Variants in TRUB1 observed in about 807,000 individuals in gnomAD.
TRUB1 encodes the protein TruB pseudouridine synthase family member 1.
Under a neutral mutation model 33.9 loss-of-function variants are expected in TRUB1, and 23 were observed. The observed-to-expected ratio is 0.68, with a 90% CI of 0.49 to 0.96. TRUB1 has a LOEUF of 0.96. Ranked by LOEUF, TRUB1 falls within the 40% of genes least tolerant of loss-of-function variation. The probability of loss-of-function intolerance (pLI) is 0.00; values close to 1 mark genes in which losing one functional copy is unlikely to be tolerated. For synonymous variants in TRUB1, 163 were observed against 165.4 expected, an observed-to-expected ratio of 0.99 and a Z score of 0.11; for missense variants, 378 against 422.2, an observed-to-expected ratio of 0.90 and a Z score of 0.92.
chr10:114,959,677 T>C (rs964551971), intron 3 of TRUB1, 49 bp from the exon 4 acceptor site: 2 of 1,240,244 alleles, frequency 1.6e-6, no homozygotes, highest in African/African-American at 3.0e-5. Context: ...TGCATAACAG[T>C]TTTTGTTTGC....
chr10:114,956,598 G>C (rs1356469277), intron 3 of TRUB1, among the ~76,000 whole-genome samples: 1 of 152,066 alleles, frequency 6.6e-6, no homozygotes, highest in South Asian at 2.1e-4. Flanking sequence ...TTCAATCATC[G>C]GTTCGCAGGG....
chr10:114,942,656 C>T lies in TRUB1; in HGVS notation c.298C>T (p.Pro100Ser). 2 of 1,612,394 alleles carry T rather than the reference C, an allele frequency of 1.2e-6. No individual in the cohort carries two copies. Among genetic ancestry groups the T allele is most frequent in the South Asian group, 2.2e-5 (2 of 90,966 alleles). The change falls in exon 2 of 8, where the codon CCT (proline) becomes TCT (serine). Residue 100 changes from proline (P) to serine (S), a missense_variant. By Grantham distance (74) the Pro-to-Ser change is moderately conservative (BLOSUM62 -1). Transcript: ENST00000298746. ...KEKLLAEAGM[P>S]SPEWTKRKKQ... Reference sequence around the variant, plus strand: ...CATTTCTCTCATAGAAGCTGGAATGCCTTCTCCAGAATGGACCAAGAGGAA... The same window carrying T: ...CATTTCTCTCATAGAAGCTGGAATGTCTTCTCCAGAATGGACCAAGAGGAA...
chr10:114,963,038 T>C (rs763731852), intron 4 of TRUB1, among the ~76,000 whole-genome samples: 3 of 152,174 alleles, frequency 2.0e-5, no homozygotes, highest in Non-Finnish European at 4.4e-5. Flanking sequence ...TGTTCTCCGC[T>C]GAGCTAAGGA....
intron 4 of TRUB1, among the ~76,000 whole-genome samples, chr10:114,960,683 A>G (rs1042221305): frequency 3.3e-5 from 5 of 152,292 alleles, no homozygotes; most frequent in Admixed American, 6.5e-5. Context: ...ATGAAAAGAA[A>G]AATTACTGAT....
At chr10:114,948,540 C>G (rs75137785) in intron 2 of TRUB1, among the ~76,000 whole-genome samples, 2 of 152,018 alleles carry the variant, frequency 1.3e-5, no homozygotes, top group South Asian at 2.1e-4. Flanking sequence ...AAATTCTGTC[C>G]GGGAAACTAA....
rs202210924 is a variant in TRUB1, at chr10:114,975,135, G to A, written c.806G>A (p.Cys269Tyr). 6 of 1,610,020 alleles carry A rather than the reference G, an allele frequency of 3.7e-6. No individual in the cohort carries two copies. The highest frequency in any genetic ancestry group is 5.1e-6 in the Non-Finnish European group (6 of 1,178,610). The stretch of plus-strand genomic sequence containing the variant: ...TTTGTTGCCATAGAACTATCTTCCT[G>A]TGCCAATGTGCTAGAGCTGACCCGA... ...VSDIGKELSS[C>Y]ANVLELTRTK... Residue 269 changes from cysteine to tyrosine, a missense_variant, in exon 8 of 8, where the codon TGT (cysteine) becomes TAT (tyrosine). Physicochemically the swap from Cys to Tyr is radical, Grantham distance 194 (BLOSUM62 -2). Transcript: ENST00000298746.
chr10:114,951,448 A>G (rs951551918), intron 3 of TRUB1, among the ~76,000 whole-genome samples: 8 of 152,242 alleles, frequency 5.3e-5, no homozygotes, highest in Non-Finnish European at 8.8e-5. Context: ...TAGAGGTCAT[A>G]AACTCTAGTG....
At chr10:114,964,372 G>GT (rs918327834) in intron 4 of TRUB1, among the ~76,000 whole-genome samples, 9 of 151,372 alleles carry the variant, frequency 5.9e-5, no homozygotes, top group Admixed American at 5.3e-4. Flanking sequence ...ATGAGTTTTT[G>GT]TTTTTTATTA....
intron 4 of TRUB1, among the ~76,000 whole-genome samples, chr10:114,964,761 A>G (rs1361373249): frequency 6.6e-6 from 1 of 151,920 alleles, no homozygotes; most frequent in East Asian, 1.9e-4. Context: ...TTACACATCA[A>G]GCACCCACTT....
intron 3 of TRUB1, among the ~76,000 whole-genome samples, chr10:114,952,373 G>A (rs11197008): frequency 0.031 from 4,751 of 152,290 alleles, 92 homozygotes; most frequent in Middle Eastern, 0.068. Context: ...CCCAGGAGGC[G>A]GAGGTTGCAG....
intron 3 of TRUB1, among the ~76,000 whole-genome samples, chr10:114,952,395 C>T (rs2084239844): frequency 6.6e-6 from 1 of 152,210 alleles, no homozygotes; most frequent in Non-Finnish European, 1.5e-5. Context: ...GAGCCAAGAT[C>T]ACGCCATTGC....
intron 2 of TRUB1, among the ~76,000 whole-genome samples, chr10:114,949,376 CT>C (rs2084224316): frequency 6.6e-6 from 1 of 152,196 alleles, no homozygotes; most frequent in Admixed American, 6.5e-5. Flanking sequence ...GTATTATGCT[CT>C]TCAGAGGATT....
intron 4 of TRUB1, 193 bp downstream of exon 4, chr10:114,960,000 G>A: frequency 1.9e-6 from 1 of 530,620 alleles, no homozygotes; most frequent in South Asian, 2.8e-5. Context: ...AAGATTTATT[G>A]TGATTGCCTC....
At chr10:114,967,154 T>A (rs2084312121) in intron 4 of TRUB1, among the ~76,000 whole-genome samples, 1 of 152,236 alleles carries the variant, frequency 6.6e-6, no homozygotes, top group Non-Finnish European at 1.5e-5. Context: ...CAGCTGCCAC[T>A]ACTTCCTCAG....
In TRUB1 at chr10:114,938,215, G is replaced by T; in HGVS notation, c.-39G>T. 3.7e-6 allele frequency: 6 copies of T among 1,604,000 alleles called. No individual in the cohort carries two copies. Among genetic ancestry groups the T allele is most frequent in the Non-Finnish European group, 5.1e-6 (6 of 1,176,756 alleles). On this transcript the variant is annotated 5_prime_UTR_variant, in exon 1 of 8. Coordinates refer to ENST00000298746, the MANE Select transcript of TRUB1 (RefSeq NM_139169.5). ...GGCGCACTCTTGTTGCATCATCAGCGTGCACCTCCACGATGAAACAGGTCT... is the reference window on the plus strand; with the variant it reads ...GGCGCACTCTTGTTGCATCATCAGCTTGCACCTCCACGATGAAACAGGTCT...
intron 3 of TRUB1, among the ~76,000 whole-genome samples, chr10:114,958,827 A>G (rs1217099472): frequency 6.6e-6 from 1 of 152,186 alleles, no homozygotes; most frequent in Non-Finnish European, 1.5e-5. Flanking sequence ...GTAGTAATTT[A>G]TCTTTATTAA....
In TRUB1 at chr10:114,975,352, AGAAGAT is replaced by A; in HGVS notation, c.1026_1031del (p.Glu342_Asp343del). 1 of 1,592,638 alleles carries A rather than the reference AGAAGAT, an allele frequency of 6.3e-7. No individual in the cohort carries two copies. The highest frequency in any genetic ancestry group is 8.6e-7 in the Non-Finnish European group (1 of 1,168,228). ...ATATAACTCTAAATGAGCCAAAGAG[AGAAGAT>A]GATGTAATTAAGACGTGTTGAGATT... On this transcript the variant is annotated inframe_deletion, in exon 8 of 8. Transcript: ENST00000298746.
At chr10:114,972,572 TA>T (rs1228754111) in intron 6 of TRUB1, among the ~76,000 whole-genome samples, 5 of 152,304 alleles carry the variant, frequency 3.3e-5, no homozygotes, top group Non-Finnish European at 7.4e-5. Context: ...GAAGAGTAGG[TA>T]AGGAGTGTAT....
chr10:114,971,882 AAC>A (rs1393642848), intron 5 of TRUB1, among the ~76,000 whole-genome samples: 1 of 152,234 alleles, frequency 6.6e-6, no homozygotes, highest in Non-Finnish European at 1.5e-5. Flanking sequence ...TAAAATTGGT[AAC>A]ACTGCATATT....
Sources: gnomAD v4.1 joint callset for allele counts (sites outside exome capture counted in the v4.1 genomes callset) on GRCh38, gnomAD v4.1.1 for gene constraint, MANE v1.5 for transcripts, NCBI Gene and HGNC (gene_info 2026-07-23, HGNC 2026-07-21) for gene names.